BNIPL: variants seen among roughly 807,000 people sequenced by gnomAD.
BNIPL encodes the protein bcl-2/adenovirus E1B 19 kDa-interacting protein 2-like protein.
In BNIPL, 33 loss-of-function variants were observed where a neutral mutation model predicts 47.0. The ratio of observed to expected loss-of-function variants is 0.70; its 90% CI spans 0.53 to 0.94. The LOEUF is 0.94. Among genes scored for constraint, BNIPL ranks in the 40% least tolerant of loss-of-function variants. The probability of loss-of-function intolerance (pLI) is 0.00; values close to 1 mark genes in which losing one functional copy is unlikely to be tolerated. For synonymous variants in BNIPL, 145 were observed against 162.7 expected, an observed-to-expected ratio of 0.89 and a Z score of 0.83; for missense variants, 404 against 445.2, an observed-to-expected ratio of 0.91 and a Z score of 0.83.
Position 151,038,872 on chromosome 1 carries a change from G to A in BNIPL, c.279G>A (p.Arg93=). 6.2e-7 allele frequency: 1 copy of A among 1,613,970 alleles called. No homozygotes were observed. The highest frequency in any genetic ancestry group is 8.5e-7 in the Non-Finnish European group (1 of 1,179,914). The change falls in exon 4 of 10, where the codon CGG becomes CGA. Residue 93 remains arginine, a synonymous_variant. Coordinates refer to ENST00000368931, the MANE Select transcript of BNIPL (RefSeq NM_138278.4). The stretch of plus-strand genomic sequence containing the variant: ...AGCGTCTTTCTGCCCCAGAGTTGCG[G>A]CTGAGTCTGACTAAGGGGCCTGGAA... ...MRKRLSAPEL[R]LSLTKGPGND...
At chr1:151,038,725 C>G (rs1242962603) in intron 3 of BNIPL, 71 bp from the exon 4 acceptor site, 2 of 1,551,386 alleles carry the variant, frequency 1.3e-6, no homozygotes, top group Non-Finnish European at 1.7e-6. Flanking sequence ...CTTTCACATA[C>G]AGGAATTCTA....
intron 4 of BNIPL, among the ~76,000 whole-genome samples, chr1:151,042,741 G>A (rs1479323707): frequency 6.6e-6 from 1 of 151,688 alleles, no homozygotes; most frequent in African/African-American, 2.4e-5. Context: ...TTGAGCCCAG[G>A]AAGTGGAGGT....
Position 151,036,785 on chromosome 1 carries a change from C to T in BNIPL, c.41+19C>T. 1 of 1,597,870 alleles carries T rather than the reference C, an allele frequency of 6.3e-7. No homozygotes were observed. The highest frequency in any genetic ancestry group is 8.6e-7 in the Non-Finnish European group (1 of 1,165,320). On this transcript the variant is annotated intron_variant, in intron 1 of 9. Coordinates refer to ENST00000368931, the MANE Select transcript of BNIPL (RefSeq NM_138278.4). ...ATGTTGGGTAAGTAAGATCTTGGCT[C>T]ACTTGATTGGTAACAGTGAATAAAC...
chr1:151,040,022 A>G (rs1675763190), intron 4 of BNIPL, among the ~76,000 whole-genome samples: 1 of 152,138 alleles, frequency 6.6e-6, no homozygotes, highest in Non-Finnish European at 1.5e-5. Flanking sequence ...GTGTGCTGGG[A>G]TTACAGGTGT....
rs764779999 is a variant in BNIPL at position 151,043,116 on chromosome 1, T to C, written c.594T>C (p.Tyr198=). 6.2e-6 allele frequency: 10 copies of C among 1,613,274 alleles called. No homozygotes were observed. Among genetic ancestry groups the C allele is most frequent in the Non-Finnish European group, 8.5e-6 (10 of 1,179,742 alleles). ...TAGACATGACTGTCATTGAGCCCTA[T>C]AAGAAAGTCCTGTCTCATGGAGGTA... The part of the protein sequence containing the change: ...QRVDMTVIEP[Y]KKVLSHGGYH... The change falls in exon 5 of 10, where the codon TAT becomes TAC. Residue 198 remains tyrosine, a synonymous_variant. Coordinates refer to ENST00000368931, the MANE Select transcript of BNIPL (RefSeq NM_138278.4).
chr1:151,037,604 G>T lies in BNIPL; in HGVS notation c.79G>T (p.Ala27Ser). The T allele has an allele frequency of 6.2e-7, 1 of 1,607,942 alleles. No individual in the cohort carries two copies. Among genetic ancestry groups the T allele is most frequent in the Non-Finnish European group, 8.5e-7 (1 of 1,177,046 alleles). The change falls in exon 2 of 10, where the codon GCC (alanine) becomes TCC (serine). Residue 27 changes from alanine to serine, a missense_variant. Coordinates refer to ENST00000368931, the MANE Select transcript of BNIPL (RefSeq NM_138278.4). The stretch of plus-strand genomic sequence containing the variant: ...TGCAGAAGCACCAGAACTAGGAGCA[G>T]CCCTGAGACATGGGGAGTTGGAGCT... Reference protein sequence around the residue: ...EIAEAPELGAALRHGELELKE... With the variant: ...EIAEAPELGASLRHGELELKE...
chr1:151,042,543 T>G (rs2102964306), intron 4 of BNIPL, among the ~76,000 whole-genome samples: 1 of 152,288 alleles, frequency 6.6e-6, no homozygotes, highest in Middle Eastern at 3.4e-3. Flanking sequence ...CTAGGTGTGG[T>G]AGCTCATGCC....
intron 2 of BNIPL, among the ~76,000 whole-genome samples, chr1:151,038,182 C>A (rs1351715710): frequency 2.6e-5 from 4 of 151,886 alleles, no homozygotes; most frequent in African/African-American, 9.7e-5. Flanking sequence ...CAAGACTACT[C>A]TGGGCAACAT....
intron 1 of BNIPL, among the ~76,000 whole-genome samples, chr1:151,036,990 A>G (rs1198368356): frequency 6.7e-6 from 1 of 149,606 alleles, no homozygotes; most frequent in African/African-American, 2.5e-5. Context: ...TTAAAAATAA[A>G]GGAAGTTTCT....
intron 2 of BNIPL, 42 bp downstream of exon 2, chr1:151,037,704 C>A: frequency 6.6e-7 from 1 of 1,507,952 alleles, no homozygotes; most frequent in South Asian, 1.2e-5. Context: ...GAGGGGTGGT[C>A]ACGAATGGAC....
Position 151,047,675 on chromosome 1 carries a change from T to G in BNIPL, c.*988T>G. ...GCAGAGTTCTTGCCGCAGAGGTTCC[T>G]TAGGAGCACCCCGCGCGGCCCGCGC... On this transcript the variant is annotated 3_prime_UTR_variant, in exon 10 of 10. Coordinates refer to ENST00000368931, the MANE Select transcript of BNIPL (RefSeq NM_138278.4). 8.9e-7 allele frequency: 1 copy of G among 1,127,234 alleles called. No homozygotes were observed. The highest frequency in any genetic ancestry group is 2.8e-5 in the East Asian group (1 of 36,244). The allele number at this position is 1,127,234 out of a possible 1,614,324, so 69.8% of individuals were successfully genotyped here. A position where few individuals can be genotyped will look rare whatever the true frequency, so the allele number is the denominator to read the frequency against.
chr1:151,037,400 T>C, intron 1 of BNIPL, 167 bp from the exon 2 acceptor site: 1 of 1,352,818 alleles, frequency 7.4e-7, no homozygotes, highest in Non-Finnish European at 9.6e-7. Context: ...GGTAATCTGC[T>C]TCTAGCAAGT....
intron 7 of BNIPL, among the ~76,000 whole-genome samples, 178 bp downstream of exon 7, chr1:151,043,905 C>T (rs1222727499): frequency 1.3e-5 from 2 of 152,194 alleles, no homozygotes; most frequent in Non-Finnish European, 2.9e-5. Flanking sequence ...TCAAATCCTG[C>T]TGTTACCACA....
In BNIPL at chr1:151,043,093, G is replaced by C. The variant is rs775709270; in HGVS notation, c.571G>C (p.Asp191His). 16 of 1,612,726 alleles carry C rather than the reference G, an allele frequency of 9.9e-6. No homozygotes were observed. Among genetic ancestry groups the C allele is most frequent in the Non-Finnish European group, 1.3e-5 (15 of 1,179,670 alleles). ...AATGGGACCACGGGAGCAGCGCGTA[G>C]ACATGACTGTCATTGAGCCCTATAA... ...FRMGPREQRV[D>H]MTVIEPYKKV... Residue 191 changes from aspartate (D) to histidine (H), a missense_variant, in exon 5 of 10, where the codon GAC (aspartate) becomes CAC (histidine). Coordinates refer to ENST00000368931, the MANE Select transcript of BNIPL (RefSeq NM_138278.4).
At chr1:151,037,384 A>G in intron 1 of BNIPL, 183 bp from the exon 2 acceptor site, 1 of 1,338,626 alleles carries the variant, frequency 7.5e-7, no homozygotes, top group Non-Finnish European at 9.6e-7. Flanking sequence ...CCCAAACTTA[A>G]CAGCAGGTAA....
At chr1:151,041,678 A>G (rs1037468041) in intron 4 of BNIPL, among the ~76,000 whole-genome samples, 3 of 152,348 alleles carry the variant, frequency 2.0e-5, no homozygotes, top group Non-Finnish European at 2.9e-5. Flanking sequence ...GTCATTCATC[A>G]ATACAGGAAA....
At position 151,036,754 on chromosome 1, in the gene BNIPL, A is replaced by G; in HGVS notation, c.29A>G (p.Lys10Arg). 4.3e-6 allele frequency: 7 copies of G among 1,611,362 alleles called. No homozygotes were observed. The highest frequency in any genetic ancestry group is 5.9e-6 in the Non-Finnish European group (7 of 1,177,504). Reference protein sequence around the residue: MGTIQEAGKKTDVGVREIAE... With the variant: MGTIQEAGKRTDVGVREIAE... ...GGAACTATACAAGAGGCAGGAAAAA[A>G]GACAGATGTTGGGTAAGTAAGATCT... Residue 10 changes from lysine (K) to arginine (R), a missense_variant, in exon 1 of 10, where the codon AAG (lysine) becomes AGG (arginine). By Grantham distance (26) the Lys-to-Arg change is conservative. Coordinates refer to ENST00000368931, the MANE Select transcript of BNIPL (RefSeq NM_138278.4).
chr1:151,043,191 C>T lies in BNIPL; in HGVS notation c.616+53C>T. ...AGAGCTATGGCTTCTTAATAAAATGCCTAAGCTGGAGACTCAGTCATTGGA... is the reference window on the plus strand; with the variant it reads ...AGAGCTATGGCTTCTTAATAAAATGTCTAAGCTGGAGACTCAGTCATTGGA... On this transcript the variant is annotated intron_variant, in intron 5 of 9. Transcript: ENST00000368931. 5.7e-6 allele frequency: 9 copies of T among 1,572,234 alleles called. No homozygotes were observed. In the South Asian group the frequency reaches 7.8e-5, roughly 14 times the overall value.
At chr1:151,044,790 T>TTC in intron 7 of BNIPL, 1 of 1,257,688 alleles carries the variant, frequency 8.0e-7, no homozygotes, top group Non-Finnish European at 1.0e-6. Flanking sequence ...TTTTTTTTTT[T>TTC]CCCCTTTTGG....
Sources: gnomAD v4.1 joint callset for allele counts (sites outside exome capture counted in the v4.1 genomes callset) on GRCh38, gnomAD v4.1.1 for gene constraint, MANE v1.5 for transcripts, NCBI Gene and HGNC (gene_info 2026-07-23, HGNC 2026-07-21) for gene names.